The following MAGI1 variants were observed in gnomAD, a reference collection of about 807,000 sequenced individuals.
MAGI1 encodes membrane-associated guanylate kinase, WW and PDZ domain-containing protein 1.
MAGI1 carries 58 observed loss-of-function variants against 139.9 expected under a neutral mutation model. The observed-to-expected ratio is 0.41, with a 90% CI of 0.34 to 0.52. MAGI1 has a LOEUF of 0.52. Among genes scored for constraint, MAGI1 ranks in the 20% least tolerant of loss-of-function variants. The probability of loss-of-function intolerance (pLI) is 0.12; values close to 1 mark genes in which losing one functional copy is unlikely to be tolerated. For missense variants in MAGI1, 1,874 were observed against 1,901.6 expected, an observed-to-expected ratio of 0.99 and a Z score of 0.27; for synonymous variants, 812 against 737.9, an observed-to-expected ratio of 1.10 and a Z score of -1.63.
At chr3:65,928,481 A>G (rs2062633368) in intron 1 of MAGI1, among the ~76,000 whole-genome samples, 1 of 152,208 alleles carries the variant, frequency 6.6e-6, no homozygotes, top group Non-Finnish European at 1.5e-5. Context: ...GGAGCACATG[A>G]GATGAAATCA....
intron 8 of MAGI1, among the ~76,000 whole-genome samples, chr3:65,442,081 C>CTTTTTTTTT (rs5849668): frequency 6.9e-6 from 1 of 144,658 alleles, no homozygotes; most frequent in African/African-American, 2.5e-5. Context: ...TAATACAAAG[C>CTTTTTTTTT]TTTTTTTTTT....
intron 1 of MAGI1, among the ~76,000 whole-genome samples, chr3:65,788,325 T>C (rs749543475): frequency 1.6e-4 from 24 of 152,230 alleles, no homozygotes; most frequent in Non-Finnish European, 2.8e-4. Context: ...TAAAGGAGAA[T>C]GGACTAGCCA....
chr3:65,358,346 CAG>C (rs1940429251), intron 22 of MAGI1, among the ~76,000 whole-genome samples: 2 of 152,128 alleles, frequency 1.3e-5, no homozygotes, highest in Non-Finnish European at 2.9e-5. Context: ...GTATGACAGT[CAG>C]AGACTAAGGG....
chr3:65,989,839 C>T (rs181273319), intron 1 of MAGI1, among the ~76,000 whole-genome samples: 95 of 152,138 alleles, frequency 6.2e-4, no homozygotes, highest in Admixed American at 6.1e-3. Context: ...GCACCTGACC[C>T]AGACATAATT....
intron 2 of MAGI1, among the ~76,000 whole-genome samples, chr3:65,594,459 A>G (rs1409901791): frequency 6.6e-6 from 1 of 152,238 alleles, no homozygotes; most frequent in African/African-American, 2.4e-5. Context: ...TTTAGTGTTT[A>G]TAACACTTCA....
intron 11 of MAGI1, 56 bp from the exon 12 acceptor site, chr3:65,430,196 A>T: frequency 6.4e-7 from 1 of 1,563,740 alleles, no homozygotes; most frequent in Non-Finnish European, 8.8e-7. Context: ...AATTGTCATC[A>T]GTATTATAAT....
chr3:65,889,235 T>G (rs2060646743), intron 1 of MAGI1, among the ~76,000 whole-genome samples: 1 of 152,158 alleles, frequency 6.6e-6, no homozygotes, highest in Admixed American at 6.5e-5. Context: ...ATGGCTGAAT[T>G]AAATAAGCAA....
At chr3:65,809,616 A>T (rs1426932545) in intron 1 of MAGI1, among the ~76,000 whole-genome samples, 1 of 152,158 alleles carries the variant, frequency 6.6e-6, no homozygotes, top group African/African-American at 2.4e-5. Flanking sequence ...TGGAAAACTC[A>T]ACTCAAACTA....
At chr3:65,931,436 T>C (rs2062803636) in intron 1 of MAGI1, among the ~76,000 whole-genome samples, 1 of 152,148 alleles carries the variant, frequency 6.6e-6, no homozygotes, top group African/African-American at 2.4e-5. Context: ...GAGACCCCTT[T>C]CCAGTAACAG....
intron 18 of MAGI1, among the ~76,000 whole-genome samples, chr3:65,368,283 G>A (rs1010649761): frequency 1.3e-5 from 2 of 152,072 alleles, no homozygotes; most frequent in Non-Finnish European, 2.9e-5. Flanking sequence ...GGACAGATTA[G>A]GTACTTTATG....
chr3:65,710,576 C>T (rs1469436752), intron 1 of MAGI1, among the ~76,000 whole-genome samples: 6 of 152,088 alleles, frequency 3.9e-5, no homozygotes, highest in Admixed American at 2.0e-4. Context: ...CGTGCCCAGC[C>T]TTAACCTTAC....
At chr3:65,992,191 A>T (rs1028967754) in intron 1 of MAGI1, among the ~76,000 whole-genome samples, 1 of 152,194 alleles carries the variant, frequency 6.6e-6, no homozygotes. Flanking sequence ...AGATGAAAAA[A>T]TGCACAGAAG....
intron 1 of MAGI1, among the ~76,000 whole-genome samples, chr3:65,637,326 A>G (rs1465712226): frequency 6.6e-6 from 1 of 152,014 alleles, no homozygotes; most frequent in Non-Finnish European, 1.5e-5. Flanking sequence ...GCCAAGGCAG[A>G]CAGATCACTT....
chr3:65,508,097 T>G (rs976016711), intron 2 of MAGI1, among the ~76,000 whole-genome samples: 2 of 152,166 alleles, frequency 1.3e-5, no homozygotes, highest in African/African-American at 4.8e-5. Context: ...AGAAAAGTAG[T>G]GGCCAATTTT....
At chr3:65,400,798 T>C (rs78027182) in intron 13 of MAGI1, among the ~76,000 whole-genome samples, 1,955 of 130,232 alleles carry the variant, frequency 0.015, 28 homozygotes, top group Non-Finnish European at 0.023. Context: ...TTAAGAATCC[T>C]ATACCTGCAG....
chr3:65,604,225 T>C (rs2082625906), intron 2 of MAGI1, among the ~76,000 whole-genome samples: 1 of 151,334 alleles, frequency 6.6e-6, no homozygotes, highest in South Asian at 2.1e-4. Context: ...TCAAGAAATA[T>C]TGGTGTTATA....
At position 65,499,622 on chromosome 3, in the gene MAGI1, C is replaced by CA. The variant is rs1039001225; in HGVS notation, c.431-5992dup. ...TGGGCGACAGACTGAGACTCCGTCT[C>CA]AAAAAAAAAAAAGAATGGTTAAATC... On this transcript the variant is annotated intron_variant, in intron 2 of 22. Transcript: ENST00000402939. 9.6e-4 allele frequency among the ~76,000 whole-genome samples: 129 copies of CA among 134,426 alleles called. 1 individual carries two copies. The highest frequency in any genetic ancestry group is 4.2e-3 in the Middle Eastern group (1 of 238). 88.2% of individuals were successfully genotyped at this position (134,426 alleles called of 152,430 possible). A position where few individuals can be genotyped will look rare whatever the true frequency, so the allele number is the denominator to read the frequency against.
chr3:65,368,937 C>T (rs1306892916), intron 18 of MAGI1, among the ~76,000 whole-genome samples: 1 of 152,208 alleles, frequency 6.6e-6, no homozygotes, highest in Non-Finnish European at 1.5e-5. Flanking sequence ...CAGGGAGCTT[C>T]TGTCCTTGTC....
intron 2 of MAGI1, among the ~76,000 whole-genome samples, chr3:65,504,188 A>G (rs569942406): frequency 5.9e-5 from 9 of 152,196 alleles, no homozygotes; most frequent in African/African-American, 1.7e-4. Flanking sequence ...TATGCACTCA[A>G]TGTCCTTATC....
Sources: allele counts gnomAD v4.1 joint callset (sites outside exome capture counted in the v4.1 genomes callset), GRCh38; gene constraint gnomAD v4.1.1; transcripts MANE v1.5; gene names NCBI Gene and HGNC (gene_info 2026-07-23, HGNC 2026-07-21).